The following MEGF10 variants were observed in gnomAD, a reference collection of about 807,000 sequenced individuals.
MEGF10 encodes multiple EGF like domains 10, also known as multiple epidermal growth factor-like domains protein 10.
Under a neutral mutation model 147.5 loss-of-function variants are expected in MEGF10, and 86 were observed. That is an observed-to-expected ratio of 0.58 (90% CI 0.49 to 0.70). MEGF10 has a LOEUF of 0.70. Ranked by LOEUF, MEGF10 falls within the 30% of genes least tolerant of loss-of-function variation. MEGF10 has a pLI of 0.00. For missense variants in MEGF10, 1,329 were observed against 1,487.3 expected (o/e 0.89, Z 1.75); for synonymous variants, 478 against 525.5 (o/e 0.91, Z 1.24).
chr5:127,247,475 A>G, the MEGF10 span, among the ~76,000 whole-genome samples: 72 of 149,514 alleles, frequency 4.8e-4, 2 homozygotes, highest in South Asian at 6.5e-4. Context: ...AAGAAGAAGA[A>G]GAAGAAGAAG....
intron 8 of MEGF10, among the ~76,000 whole-genome samples, chr5:127,409,171 A>G (rs1274751994): frequency 4.6e-5 from 7 of 152,122 alleles, no homozygotes; most frequent in Non-Finnish European, 1.0e-4. Context: ...AAAATATGCA[A>G]AGTTTTGTGG....
chr5:127,240,368 C>T, the MEGF10 span, among the ~76,000 whole-genome samples: 1 of 152,202 alleles, frequency 6.6e-6, no homozygotes, highest in Non-Finnish European at 1.5e-5. Context: ...TGGCTGATGC[C>T]TTCCTCTAGG....
rs1299826435 is a variant in MEGF10, at chr5:127,455,625, T to C, written c.3232+18T>C. 1 of 1,608,624 alleles carries C rather than the reference T, an allele frequency of 6.2e-7. No homozygotes were observed. The highest frequency in any genetic ancestry group is 1.1e-5 in the South Asian group (1 of 90,436). ...TGAAGTTGGTGAGTTCCCTTAACCATAGAAAGAACCGAGTGCTTAAGTTTT... is the reference window on the plus strand; with the variant it reads ...TGAAGTTGGTGAGTTCCCTTAACCACAGAAAGAACCGAGTGCTTAAGTTTT... On this transcript the variant is annotated intron_variant, in intron 24 of 24. Coordinates refer to ENST00000503335, the MANE Select transcript of MEGF10 (RefSeq NM_001256545.2).
At chr5:127,447,948 C>T (rs571584817) in intron 21 of MEGF10, among the ~76,000 whole-genome samples, 140 of 152,256 alleles carry the variant, frequency 9.2e-4, no homozygotes, top group African/African-American at 3.0e-3. Context: ...CAAAGTCTCT[C>T]TGTCTCTACA....
At chr5:127,415,772 ACAC>A (rs1199934415) in intron 9 of MEGF10, among the ~76,000 whole-genome samples, 2 of 151,570 alleles carry the variant, frequency 1.3e-5, no homozygotes, top group African/African-American at 4.8e-5. Context: ...GGCATGGGGC[ACAC>A]GCCTGTAATC....
chr5:127,379,013 G>T (rs1241108736), intron 5 of MEGF10, among the ~76,000 whole-genome samples: 1 of 150,972 alleles, frequency 6.6e-6, no homozygotes, highest in Non-Finnish European at 1.5e-5. Context: ...TTAAAGATAA[G>T]ACTGGGCTGT....
At chr5:127,272,994 G>A in the MEGF10 span, among the ~76,000 whole-genome samples, 3 of 152,296 alleles carry the variant, frequency 2.0e-5, no homozygotes, top group Admixed American at 2.0e-4. Context: ...GGGGTGGTGA[G>A]AGAGGGCAAT....
intron 24 of MEGF10, among the ~76,000 whole-genome samples, chr5:127,455,850 C>T (rs536274651): frequency 2.0e-5 from 3 of 152,096 alleles, no homozygotes; most frequent in East Asian, 3.9e-4. Flanking sequence ...AGCCATCCTC[C>T]CACTTCAGCC....
chr5:127,289,056 G>A (rs935496198), upstream of MEGF10, among the ~76,000 whole-genome samples: 2 of 152,176 alleles, frequency 1.3e-5, no homozygotes, highest in African/African-American at 2.4e-5. Flanking sequence ...AGCTAAGCGG[G>A]CCAAATATGA....
At chr5:127,288,621 A>C (rs1416465710), upstream of MEGF10, among the ~76,000 whole-genome samples, 2 of 152,158 alleles carry the variant, frequency 1.3e-5, no homozygotes, top group Admixed American at 1.3e-4. Context: ...TGAAGCAATT[A>C]TCATATCTTG....
At chr5:127,403,903 T>C (rs1046814938) in intron 8 of MEGF10, among the ~76,000 whole-genome samples, 1 of 152,336 alleles carries the variant, frequency 6.6e-6, no homozygotes, top group African/African-American at 2.4e-5. Flanking sequence ...GCAACAAACA[T>C]AGGAGTGCAG....
At chr5:127,380,649 C>G (rs1389219781) in intron 5 of MEGF10, among the ~76,000 whole-genome samples, 1 of 151,988 alleles carries the variant, frequency 6.6e-6, no homozygotes, top group Non-Finnish European at 1.5e-5. Context: ...TCTCAAGTAG[C>G]TGGGATTACA....
the MEGF10 span, among the ~76,000 whole-genome samples, chr5:127,270,930 A>G: frequency 6.6e-6 from 1 of 152,174 alleles, no homozygotes; most frequent in Non-Finnish European, 1.5e-5. Context: ...ATAGTATTCC[A>G]TGGTGTATGT....
chr5:127,417,623 A>G lies in MEGF10; in HGVS notation c.1131-15A>G. The stretch of plus-strand genomic sequence containing the variant: ...TACCCCAAAGTGACTTATTCCTTTC[A>G]TCCATGTCTCTCAGCTGTCACCCCA... On this transcript the variant is annotated splice_polypyrimidine_tract_variant and intron_variant, in intron 9 of 24. Transcript: ENST00000503335. 6.2e-7 allele frequency: 1 copy of G among 1,614,100 alleles called. No homozygotes were observed.
chr5:127,411,906 G>C (rs1764578953), intron 9 of MEGF10, among the ~76,000 whole-genome samples: 1 of 152,194 alleles, frequency 6.6e-6, no homozygotes, highest in South Asian at 2.1e-4. Context: ...CCAGTGTGCT[G>C]TTCCGTTGTA....
intron 1 of MEGF10, among the ~76,000 whole-genome samples, chr5:127,322,484 G>A (rs1760827664): frequency 6.6e-6 from 1 of 152,112 alleles, no homozygotes; most frequent in African/African-American, 2.4e-5. Flanking sequence ...CCCATTCACT[G>A]GTTGTAAGTG....
Position 127,420,191 on chromosome 5 carries a change from G to A in MEGF10, c.1574G>A (p.Cys525Tyr), listed in dbSNP as rs1177173964. The A allele has an allele frequency of 6.2e-7, 1 of 1,614,018 alleles. No homozygotes were observed. The highest frequency in any genetic ancestry group is 8.5e-7 in the Non-Finnish European group (1 of 1,180,016). ...GCACCTGGATGGCGCGGGGAGAAAT[G>A]CGAACTTCCCTGCCAGGTATGCACA... Reference protein sequence around the residue: ...TCAPGWRGEKCELPCQDGTYG... With the variant: ...TCAPGWRGEKYELPCQDGTYG... Residue 525 changes from cysteine to tyrosine, a missense_variant, in exon 12 of 25, where the codon TGC becomes TAC. Coordinates refer to ENST00000503335, the MANE Select transcript of MEGF10 (RefSeq NM_001256545.2).
chr5:127,303,764 A>G (rs887198170), intron 1 of MEGF10, among the ~76,000 whole-genome samples: 3 of 152,228 alleles, frequency 2.0e-5, no homozygotes, highest in African/African-American at 7.2e-5. Context: ...TATGGGTCCT[A>G]GAATCAGATT....
chr5:127,423,386 AAAG>A (rs988122157), intron 13 of MEGF10, among the ~76,000 whole-genome samples: 7 of 152,316 alleles, frequency 4.6e-5, no homozygotes, highest in African/African-American at 1.2e-4. Context: ...AGTGATACTG[AAAG>A]AAGAAGTTTC....
Sources: allele counts gnomAD v4.1 joint callset (sites outside exome capture counted in the v4.1 genomes callset), GRCh38; gene constraint gnomAD v4.1.1; transcripts MANE v1.5; gene names NCBI Gene and HGNC (gene_info 2026-07-23, HGNC 2026-07-21).